JAKMIP1: variants seen among roughly 807,000 people sequenced by gnomAD.
The protein encoded by JAKMIP1 is janus kinase and microtubule-interacting protein 1.
A neutral mutation model predicts 113.0 loss-of-function variants in JAKMIP1; 33 were observed. The ratio of observed to expected loss-of-function variants is 0.29; its 90% confidence interval spans 0.22 to 0.39. The LOEUF is 0.39. Among genes scored for constraint, JAKMIP1 ranks in the 10% least tolerant of loss-of-function variants. The pLI, the probability that JAKMIP1 is intolerant of heterozygous loss-of-function variation, is 1.00. For synonymous variants in JAKMIP1, 480 were observed against 459.9 expected (o/e 1.04, Z -0.56); for missense variants, 813 against 1,080.5 (o/e 0.75, Z 3.47).
rs1553821445 is a variant in JAKMIP1, at chr4:6,081,014, C to CACACACACACACACACA, written c.1101+594_1101+595insTGTGTGTGTGTGTGTGT. Among the ~76,000 whole-genome samples, 8 of 151,350 alleles carry CACACACACACACACACA rather than the reference C, an allele frequency of 5.3e-5. No individual in the cohort carries two copies. Among genetic ancestry groups the CACACACACACACACACA allele is most frequent in the African/African-American group, 7.3e-5 (3 of 41,268 alleles). ...ACACACACACACACACACACACACA[C>CACACACACACACACACA]CTGCATCTGCTACAGTGCAGACAGC... On this transcript the variant is annotated intron_variant, in intron 6 of 20. Coordinates refer to ENST00000409021, the MANE Select transcript of JAKMIP1 (RefSeq NM_001099433.2). This position sits in a 1 kb window ranked among gnomAD's most constrained non-coding sequence, Gnocchi z 4.6.
intron 12 of JAKMIP1, 43 bp from the exon 13 acceptor site, chr4:6,054,191 A>G (rs747093560): frequency 1.2e-6 from 2 of 1,601,200 alleles, no homozygotes; most frequent in Non-Finnish European, 8.6e-7. Context: ...GGGTGGGAGC[A>G]CTGGGGTCCC....
rs980788911 is a variant in JAKMIP1 at position 6,167,062 on chromosome 4, A to T, written c.-148+33191T>A. On this transcript the variant is annotated intron_variant, in intron 1 of 20. Transcript: ENST00000409021. The surrounding 1 kb of genome is among the most constrained non-coding windows in gnomAD (Gnocchi z 5.3). ...TGCTACCCCACATCAAGTACTTGGA[A>T]CAGTGCCTGGTGCGTAGGGGGTACT... Among the ~76,000 whole-genome samples, 3 of 152,102 alleles carry T rather than the reference A, an allele frequency of 2.0e-5. No individual in the cohort carries two copies. Among genetic ancestry groups the T allele is most frequent in the African/African-American group, 7.2e-5 (3 of 41,414 alleles).
At position 6,067,471 on chromosome 4, in the gene JAKMIP1, G is replaced by GA. The variant is rs1210114364; in HGVS notation, c.1303-2464dup. 1.3e-5 allele frequency among the ~76,000 whole-genome samples: 2 copies of GA among 152,154 alleles called. No individual in the cohort carries two copies. Among genetic ancestry groups the GA allele is most frequent in the African/African-American group, 2.4e-5 (1 of 41,422 alleles). ...CTACTCAAATCTCCCCTCTGGATGA[G>GA]AACCCCACCCGACTTCAGGCATCAT... On this transcript the variant is annotated intron_variant, in intron 8 of 20. Coordinates refer to ENST00000409021, the MANE Select transcript of JAKMIP1 (RefSeq NM_001099433.2). The surrounding 1 kb of genome is among the most constrained non-coding windows in gnomAD (Gnocchi z 4.6).
At chr4:6,063,502 C>G (rs970381959) in intron 9 of JAKMIP1, among the ~76,000 whole-genome samples, 1 of 152,212 alleles carries the variant, frequency 6.6e-6, no homozygotes, top group Non-Finnish European at 1.5e-5. Flanking sequence ...ACTGGCCTGG[C>G]CCCTCCCTCC....
chr4:6,098,688 GAA>G lies in JAKMIP1; in HGVS notation c.624+6783_624+6784del, dbSNP rs1242869145. ...AAAGAGAGAGAAAGAAAGAAAGAAA[GAA>G]AGAAAGAAAGAAAGAAAGAAAGAAA... On this transcript the variant is annotated intron_variant, in intron 3 of 20. Coordinates refer to ENST00000409021, the MANE Select transcript of JAKMIP1 (RefSeq NM_001099433.2). 1.2e-3 allele frequency among the ~76,000 whole-genome samples: 9 copies of G among 7,242 alleles called. No homozygotes were observed. The Admixed American group carries it at 0.014, about 11-fold the overall frequency. The allele number at this position is 7,242 out of a possible 152,430, so 4.8% of individuals were successfully genotyped here. A position where few individuals can be genotyped will look rare whatever the true frequency, so the allele number is the denominator to read the frequency against.
At chr4:6,171,177 CCACCACCATCACCATCAT>C (rs367709880) in intron 1 of JAKMIP1, among the ~76,000 whole-genome samples, 2,757 of 150,416 alleles carry the variant, frequency 0.018, 36 homozygotes, top group African/African-American at 0.037. Context: ...ATCACCATTA[CCACCACCATCACCATCAT>C]CACCACCATC....
rs536091641 is a variant in JAKMIP1, at chr4:6,106,314, G to T, written c.130-347C>A. Among the ~76,000 whole-genome samples the T allele has an allele frequency of 6.6e-6, 1 of 152,332 alleles. No homozygotes were observed. The highest frequency in any genetic ancestry group is 2.1e-4 in the South Asian group (1 of 4,832). ...CAGAAATCATCACCAAGACCCAAAA[G>T]ATTGTAAACCAGAAATATATTTCCA... is the stretch of plus-strand genomic sequence containing the variant. On this transcript the variant is annotated intron_variant, in intron 2 of 20. Coordinates refer to ENST00000409021, the MANE Select transcript of JAKMIP1 (RefSeq NM_001099433.2). This position sits in a 1 kb window ranked among gnomAD's most constrained non-coding sequence, Gnocchi z 5.9.
rs1461122245 is a variant in JAKMIP1, at chr4:6,158,747, C to G, written c.-148+41506G>C. ...AGGGCAATTCGATTGATCAATGAGGCAGAAGAGAAAGCCCAAAAACAGATC... is the reference window on the plus strand; with the variant it reads ...AGGGCAATTCGATTGATCAATGAGGGAGAAGAGAAAGCCCAAAAACAGATC... On this transcript the variant is annotated intron_variant, in intron 1 of 20. Transcript: ENST00000409021. This position sits in a 1 kb window ranked among gnomAD's most constrained non-coding sequence, Gnocchi z 5.3. Among the ~76,000 whole-genome samples the G allele has an allele frequency of 1.3e-5, 2 of 151,924 alleles. No individual in the cohort carries two copies. Among genetic ancestry groups the G allele is most frequent in the East Asian group, 3.9e-4 (2 of 5,190 alleles).
rs1157127853 is a variant in JAKMIP1, at chr4:6,199,126, A to G, written c.-148+1127T>C. Among the ~76,000 whole-genome samples the G allele has an allele frequency of 6.6e-6, 1 of 152,248 alleles. No individual in the cohort carries two copies. Among genetic ancestry groups the G allele is most frequent in the Non-Finnish European group, 1.5e-5 (1 of 68,044 alleles). On this transcript the variant is annotated intron_variant, in intron 1 of 20. Coordinates refer to ENST00000409021, the MANE Select transcript of JAKMIP1 (RefSeq NM_001099433.2). The surrounding 1 kb of genome is among the most constrained non-coding windows in gnomAD (Gnocchi z 5.6). ...CCAGCTGAAGTTAGGGCGTTCGCGG[A>G]GAGAGCACAGCACTGGCAAAGGCCA...
Position 6,181,161 on chromosome 4 carries a change from A to C in JAKMIP1, c.-148+19092T>G, listed in dbSNP as rs1048319586. The stretch of plus-strand genomic sequence containing the variant: ...TGGGCTTGATATGACTAGATGCTGA[A>C]CAGGGCGCTCCTTGACAGACACCTA... On this transcript the variant is annotated intron_variant, in intron 1 of 20. Coordinates refer to ENST00000409021, the MANE Select transcript of JAKMIP1 (RefSeq NM_001099433.2). This position sits in a 1 kb window ranked among gnomAD's most constrained non-coding sequence, Gnocchi z 5.4. Among the ~76,000 whole-genome samples, 1 of 152,158 alleles carries C rather than the reference A, an allele frequency of 6.6e-6. No homozygotes were observed. The highest frequency in any genetic ancestry group is 1.5e-5 in the Non-Finnish European group (1 of 68,022).
chr4:6,078,457 T>A (rs573826053), intron 8 of JAKMIP1, among the ~76,000 whole-genome samples: 3 of 150,010 alleles, frequency 2.0e-5, no homozygotes, highest in African/African-American at 7.4e-5. Flanking sequence ...TCCAGATTGG[T>A]CCCTGTGGGC....
chr4:6,090,919 C>T (rs1243548118), intron 3 of JAKMIP1, among the ~76,000 whole-genome samples: 4 of 150,924 alleles, frequency 2.7e-5, no homozygotes, highest in African/African-American at 7.3e-5. Flanking sequence ...CAAAACCCCA[C>T]GTTGACCATG....
At chr4:6,127,780 C>A (rs1385010964) in intron 1 of JAKMIP1, among the ~76,000 whole-genome samples, 1 of 152,262 alleles carries the variant, frequency 6.6e-6, no homozygotes, top group Non-Finnish European at 1.5e-5. Flanking sequence ...AGGCCCCACT[C>A]GGGCTCACCC....
Position 6,143,925 on chromosome 4 carries a change from C to G in JAKMIP1, c.-147-30928G>C, listed in dbSNP as rs982617634. 6.6e-6 allele frequency among the ~76,000 whole-genome samples: 1 copy of G among 152,200 alleles called. No individual in the cohort carries two copies. Among genetic ancestry groups the G allele is most frequent in the Admixed American group, 6.5e-5 (1 of 15,276 alleles). On this transcript the variant is annotated intron_variant, in intron 1 of 20. Coordinates refer to ENST00000409021, the MANE Select transcript of JAKMIP1 (RefSeq NM_001099433.2). This position sits in a 1 kb window ranked among gnomAD's most constrained non-coding sequence, Gnocchi z 4.9. ...CTGGGTGAGTGCCTTCCTTCCTTCTCAGTCTCCAGGGCTGGAGCAGGGACC... is the reference window on the plus strand; with the variant it reads ...CTGGGTGAGTGCCTTCCTTCCTTCTGAGTCTCCAGGGCTGGAGCAGGGACC...
intron 1 of JAKMIP1, among the ~76,000 whole-genome samples, chr4:6,148,414 C>A (rs1357494649): frequency 1.3e-5 from 2 of 152,254 alleles, no homozygotes; most frequent in Non-Finnish European, 2.9e-5. Context: ...GCCTCAGCCT[C>A]AGGGCTCCAG....
At chr4:6,095,492 C>A (rs1711585157) in intron 3 of JAKMIP1, among the ~76,000 whole-genome samples, 1 of 152,226 alleles carries the variant, frequency 6.6e-6, no homozygotes, top group South Asian at 2.1e-4. Context: ...CCTCATTCTA[C>A]TTCTGCAAGA....
rs766754230 is a variant in JAKMIP1, at chr4:6,105,711, T to G, written c.386A>C (p.Lys129Thr). 1 of 1,602,708 alleles carries G rather than the reference T, an allele frequency of 6.2e-7. No homozygotes were observed. Among genetic ancestry groups the G allele is most frequent in the South Asian group, 1.1e-5 (1 of 90,588 alleles). Residue 129 changes from lysine (K) to threonine (T), a missense_variant, in exon 3 of 21, where the codon AAG becomes ACG. This residue lies in a region of JAKMIP1 where 540 missense variants were observed against 653.9 expected (regional missense o/e 0.83). Coordinates refer to ENST00000409021, the MANE Select transcript of JAKMIP1 (RefSeq NM_001099433.2). ...GCGCGCCTCGGTCAGCAGCGCCGTC[T>G]TGACCTTGTCGGCCGCGCCGTCGCG... The part of the protein sequence containing the change: ...VLRDGAADKV[K>T]TALLTEAREE...
In JAKMIP1 at chr4:6,176,550, AC is replaced by A. The variant is rs1258797135; in HGVS notation, c.-148+23702del. ...ACAAGACGCAGCACTGTACCACATC[AC>A]CCGGACACACTCAGAATGGGGCAAT... On this transcript the variant is annotated intron_variant, in intron 1 of 20. Coordinates refer to ENST00000409021, the MANE Select transcript of JAKMIP1 (RefSeq NM_001099433.2). The surrounding 1 kb of genome is among the most constrained non-coding windows in gnomAD (Gnocchi z 5.5). Among the ~76,000 whole-genome samples, 4 of 152,132 alleles carry A rather than the reference AC, an allele frequency of 2.6e-5. No homozygotes were observed. Among genetic ancestry groups the A allele is most frequent in the Non-Finnish European group, 5.9e-5 (4 of 68,028 alleles).
At chr4:6,057,084 A>C (rs1277655050) in intron 11 of JAKMIP1, among the ~76,000 whole-genome samples, 8 of 152,144 alleles carry the variant, frequency 5.3e-5, no homozygotes, top group Non-Finnish European at 1.2e-4. Context: ...GGCTGACCTC[A>C]TACCCCGCAG....
Sources: gnomAD v4.1 joint callset for allele counts (sites outside exome capture counted in the v4.1 genomes callset) on GRCh38, gnomAD v4.1.1 for gene constraint, gnomAD v4.1.1 regional missense constraint, Gnocchi (gnomAD v3.1) non-coding constraint, MANE v1.5 for transcripts, NCBI Gene and HGNC (gene_info 2026-07-23, HGNC 2026-07-21) for gene names.